SAMMSON: variants seen among roughly 807,000 people sequenced by gnomAD.
SAMMSON encodes survival associated mitochondrial melanoma specific oncogenic non-coding RNA, also known as long intergenic non-protein coding RNA 1212.
At chr3:70,328,137 A>G (rs1225722709) in intron 7 of SAMMSON, among the ~76,000 whole-genome samples, 1 of 152,176 alleles carries the variant, frequency 6.6e-6, no homozygotes, top group African/African-American at 2.4e-5. Context: ...CACTATCACA[A>G]TAATAGCATG....
chr3:70,237,466 C>T (rs1701621119), intron 4 of SAMMSON, among the ~76,000 whole-genome samples: 1 of 152,192 alleles, frequency 6.6e-6, no homozygotes, highest in African/African-American at 2.4e-5. Flanking sequence ...GAAACGTCTG[C>T]TTATCCTCCA....
chr3:70,019,530 T>A (rs973658800), intron 3 of SAMMSON, among the ~76,000 whole-genome samples: 3 of 152,222 alleles, frequency 2.0e-5, no homozygotes, highest in African/African-American at 7.2e-5. Context: ...TCTTGACTCT[T>A]TATCCAATTG....
intron 4 of SAMMSON, among the ~76,000 whole-genome samples, chr3:70,156,658 C>G (rs537685624): frequency 2.5e-4 from 38 of 152,104 alleles, no homozygotes; most frequent in African/African-American, 7.7e-4. Flanking sequence ...AAAACCTTAG[C>G]AAGAACAGTT....
intron 1 of SAMMSON, among the ~76,000 whole-genome samples, chr3:70,006,454 T>C (rs2066926855): frequency 6.6e-6 from 1 of 152,182 alleles, no homozygotes. Flanking sequence ...ATACAAAGAC[T>C]CAGAGATGAA....
chr3:70,170,636 T>G (rs1469722434), intron 4 of SAMMSON, among the ~76,000 whole-genome samples: 1 of 150,686 alleles, frequency 6.6e-6, no homozygotes, highest in Non-Finnish European at 1.5e-5. Flanking sequence ...AATTCGTATT[T>G]TATTCACTGG....
intron 6 of SAMMSON, among the ~76,000 whole-genome samples, chr3:70,254,795 G>A (rs970965836): frequency 1.3e-5 from 2 of 152,096 alleles, no homozygotes; most frequent in African/African-American, 4.8e-5. Flanking sequence ...GTAGCTTCTT[G>A]TGCATTCTTC....
At chr3:70,086,907 T>C (rs1260549613) in intron 4 of SAMMSON, among the ~76,000 whole-genome samples, 1 of 152,186 alleles carries the variant, frequency 6.6e-6, no homozygotes, top group African/African-American at 2.4e-5. Flanking sequence ...TTAGTTTTAT[T>C]TAGCTGAGGG....
At chr3:70,243,285 A>C (rs1701678273) in intron 4 of SAMMSON, among the ~76,000 whole-genome samples, 2 of 151,974 alleles carry the variant, frequency 1.3e-5, no homozygotes, top group African/African-American at 4.8e-5. Flanking sequence ...GAGGCCTTTG[A>C]AATGTCTTCT....
chr3:70,117,634 A>G (rs1474039038), intron 4 of SAMMSON, among the ~76,000 whole-genome samples: 1 of 152,206 alleles, frequency 6.6e-6, no homozygotes, highest in Non-Finnish European at 1.5e-5. Context: ...GGGCCTCAGT[A>G]TAACCCCCTG....
chr3:70,214,856 C>G (rs1206587348), intron 4 of SAMMSON, among the ~76,000 whole-genome samples: 1 of 151,826 alleles, frequency 6.6e-6, no homozygotes, highest in Non-Finnish European at 1.5e-5. Context: ...TAAAAAGTGT[C>G]TCAAGAAATA....
At chr3:70,105,646 T>C (rs775476612) in intron 4 of SAMMSON, among the ~76,000 whole-genome samples, 1 of 152,202 alleles carries the variant, frequency 6.6e-6, no homozygotes, top group Non-Finnish European at 1.5e-5. Flanking sequence ...TCAATCTTGA[T>C]GAAACTTGAT....
chr3:70,076,944 GA>G (rs1342952047), intron 4 of SAMMSON, among the ~76,000 whole-genome samples: 1 of 152,128 alleles, frequency 6.6e-6, no homozygotes, highest in Non-Finnish European at 1.5e-5. Flanking sequence ...ATGTTGTTAA[GA>G]GGCAGTGTGA....
intron 4 of SAMMSON, among the ~76,000 whole-genome samples, chr3:70,133,676 T>C (rs1014755238): frequency 2.4e-4 from 37 of 152,104 alleles, no homozygotes; most frequent in African/African-American, 8.9e-4. Context: ...TCCACATAGA[T>C]AGTCTCAAAA....
chr3:70,137,103 A>G (rs1003989340), intron 4 of SAMMSON, among the ~76,000 whole-genome samples: 2 of 152,192 alleles, frequency 1.3e-5, no homozygotes, highest in African/African-American at 4.8e-5. Flanking sequence ...CAATGGTAAC[A>G]AGTTAGATAA....
chr3:70,052,461 T>C (rs1431383628), intron 3 of SAMMSON, among the ~76,000 whole-genome samples: 1 of 152,146 alleles, frequency 6.6e-6, no homozygotes, highest in Non-Finnish European at 1.5e-5. Context: ...CCACTAGATA[T>C]ATGTGAAGAA....
At chr3:70,121,784 CAA>C (rs2067434590) in intron 4 of SAMMSON, among the ~76,000 whole-genome samples, 1 of 152,154 alleles carries the variant, frequency 6.6e-6, no homozygotes, top group Non-Finnish European at 1.5e-5. Flanking sequence ...AGGGCAGGGA[CAA>C]AGACTGGTGG....
intron 6 of SAMMSON, among the ~76,000 whole-genome samples, chr3:70,289,066 G>T (rs1283160396): frequency 6.6e-6 from 1 of 151,934 alleles, no homozygotes; most frequent in Admixed American, 6.6e-5. Flanking sequence ...TACATTTAAA[G>T]TTAATAGTGT....
chr3:70,294,527 A>T (rs1297217752), intron 7 of SAMMSON, among the ~76,000 whole-genome samples: 1 of 152,182 alleles, frequency 6.6e-6, no homozygotes, highest in Non-Finnish European at 1.5e-5. Context: ...AAAGTAAAAT[A>T]ATAATAGTAG....
chr3:70,402,636 C>T (rs151074015), intron 2 of SAMMSON, among the ~76,000 whole-genome samples: 7 of 151,970 alleles, frequency 4.6e-5, no homozygotes, highest in Admixed American at 1.3e-4. Context: ...CTGAGGTGGG[C>T]GGACCACCTG....
Sources: allele counts gnomAD v4.1 joint callset (sites outside exome capture counted in the v4.1 genomes callset), GRCh38; gene constraint gnomAD v4.1.1; transcripts MANE v1.5; gene names NCBI Gene and HGNC (gene_info 2026-07-23, HGNC 2026-07-21).